The following IRGM variants were observed in gnomAD, a reference collection of about 807,000 sequenced individuals.
IRGM encodes the protein immunity-related GTPase family M protein.
For synonymous variants in IRGM, 98 were observed against 80.6 expected (o/e 1.22, Z -1.16); for missense variants, 288 against 219.9 (o/e 1.31, Z -1.96).
At chr5:150,864,229 C>T (rs569339033) in intron 1 of IRGM, among the ~76,000 whole-genome samples, 4 of 152,022 alleles carry the variant, frequency 2.6e-5, no homozygotes, top group Non-Finnish European at 4.4e-5. Context: ...GCCAGCCAGA[C>T]GCTTGACCTT....
At chr5:150,897,818 G>A (rs1034873550) in intron 3 of IRGM, 2 of 420,740 alleles carry the variant, frequency 4.8e-6, no homozygotes, top group Non-Finnish European at 8.3e-6. Flanking sequence ...GTTCTTGAAA[G>A]GAATTTGCCT....
At chr5:150,867,519 T>A (rs892134211) in intron 1 of IRGM, among the ~76,000 whole-genome samples, 2 of 152,228 alleles carry the variant, frequency 1.3e-5, no homozygotes, top group African/African-American at 2.4e-5. Context: ...TTGGATCAAA[T>A]GGTAGATCTA....
At chr5:150,890,510 G>A (rs1754593616) in intron 3 of IRGM, among the ~76,000 whole-genome samples, 1 of 151,412 alleles carries the variant, frequency 6.6e-6, no homozygotes, top group South Asian at 2.1e-4. Context: ...TGTTTATAAT[G>A]CATTTCATTT....
chr5:150,883,453 AATAAACTACATTTGTTTCTTGAAAAG>A (rs147897265), intron 3 of IRGM, among the ~76,000 whole-genome samples: 9,890 of 152,002 alleles, frequency 0.065, 1,058 homozygotes, highest in African/African-American at 0.22. Context: ...AGAAAGATCA[AATAAACTACATTTGTTTCTTGAAAAG>A]ATAAACAAAT....
intron 3 of IRGM, chr5:150,895,393 C>A (rs1466204824): frequency 1.3e-6 from 2 of 1,496,532 alleles, no homozygotes; most frequent in African/African-American, 1.4e-5. Flanking sequence ...AAGGCTTGAG[C>A]TAATACTAAG....
chr5:150,895,642 T>A, intron 3 of IRGM: 1 of 1,613,258 alleles, frequency 6.2e-7, no homozygotes, highest in South Asian at 1.1e-5. Flanking sequence ...AGGTGGGACT[T>A]CTGAGAGAAG....
intron 3 of IRGM, chr5:150,895,982 A>C: frequency 2.5e-6 from 4 of 1,613,448 alleles, no homozygotes; most frequent in Non-Finnish European, 3.4e-6. Flanking sequence ...GGGACTTCTC[A>C]CAGAAGGCTT....
chr5:150,856,329 G>A (rs984555105), intron 1 of IRGM, among the ~76,000 whole-genome samples: 1 of 152,100 alleles, frequency 6.6e-6, no homozygotes, highest in Non-Finnish European at 1.5e-5. Flanking sequence ...TATTCAGGAG[G>A]CTGAGGCAGG....
chr5:150,894,934 C>G (rs2113306398), intron 3 of IRGM: 1 of 152,696 alleles, frequency 6.5e-6, no homozygotes, highest in South Asian at 2.1e-4. Flanking sequence ...TGAATCTGAT[C>G]AACCTATCAT....
intron 3 of IRGM, among the ~76,000 whole-genome samples, chr5:150,880,274 C>T (rs1354646400): frequency 6.6e-6 from 1 of 152,182 alleles, no homozygotes; most frequent in African/African-American, 2.4e-5. Flanking sequence ...GCATGTGTAG[C>T]AAGTGTCCTG....
intron 1 of IRGM, among the ~76,000 whole-genome samples, chr5:150,860,070 A>G (rs1177379701): frequency 6.6e-6 from 1 of 152,242 alleles, no homozygotes; most frequent in Non-Finnish European, 1.5e-5. Flanking sequence ...ATTGCTCAAT[A>G]TAGCTAAATA....
At chr5:150,849,614 T>C (rs1409304229), downstream of IRGM, among the ~76,000 whole-genome samples, 2 of 148,940 alleles carry the variant, frequency 1.3e-5, no homozygotes, top group African/African-American at 4.9e-5. Flanking sequence ...TCTTTTTTTT[T>C]TTTTTTTTTT....
intron 1 of IRGM, among the ~76,000 whole-genome samples, chr5:150,873,506 T>A (rs1008714180): frequency 6.6e-6 from 1 of 152,184 alleles, no homozygotes; most frequent in Non-Finnish European, 1.5e-5. Flanking sequence ...TGATCAGACA[T>A]TTTGAGGACT....
rs962768417 is a variant in IRGM, at chr5:150,846,852, C to G, written c.-784C>G. ...GAAGGAACAAACTCCGGACACGCAG[C>G]CTTTAAGAATTGTAACACTCACCGC... On this transcript the variant is annotated 5_prime_UTR_variant, in exon 1 of 2. Transcript: ENST00000522154. 1 of 153,436 alleles carries G rather than the reference C, an allele frequency of 6.5e-6. No individual in the cohort carries two copies. The highest frequency in any genetic ancestry group is 1.4e-5 in the Non-Finnish European group (1 of 69,046). The allele number at this position is 153,436 out of a possible 1,614,324, so 9.5% of individuals were successfully genotyped here.
intron 1 of IRGM, among the ~76,000 whole-genome samples, chr5:150,858,286 T>A (rs201451642): frequency 0.08 from 12,116 of 152,118 alleles, 735 homozygotes; most frequent in East Asian, 0.33. Context: ...TTGGTCTATA[T>A]CTCTGTTTTG....
intron 3 of IRGM, chr5:150,895,429 A>G: frequency 6.3e-7 from 1 of 1,594,696 alleles, no homozygotes; most frequent in Non-Finnish European, 8.6e-7. Context: ...GTTCATTATG[A>G]TTTTACCACT....
downstream of IRGM, among the ~76,000 whole-genome samples, chr5:150,850,446 A>G (rs964362795): frequency 1.3e-5 from 2 of 152,244 alleles, no homozygotes; most frequent in Non-Finnish European, 2.9e-5. Flanking sequence ...TCTGTAACAT[A>G]GAGAAATAGC....
chr5:150,885,904 A>C (rs1009740056), intron 3 of IRGM, among the ~76,000 whole-genome samples: 2 of 151,858 alleles, frequency 1.3e-5, no homozygotes, highest in Non-Finnish European at 2.9e-5. Flanking sequence ...GATGCTCTTT[A>C]TTTCTTTTAC....
Position 150,847,961 on chromosome 5 carries a change from G to A in IRGM, c.-163G>A, listed in dbSNP as rs1010293433. 14 of 602,062 alleles carry A rather than the reference G, an allele frequency of 2.3e-5. No homozygotes were observed. The highest frequency in any genetic ancestry group is 9.0e-5 in the Admixed American group (3 of 33,150). 37.3% of individuals were successfully genotyped at this position (602,062 alleles called of 1,614,324 possible). A position where few individuals can be genotyped will look rare whatever the true frequency, so the allele number is the denominator to read the frequency against. On this transcript the variant is annotated 5_prime_UTR_variant, in exon 2 of 2. Coordinates refer to ENST00000522154, the MANE Select transcript of IRGM (RefSeq NM_001145805.2). The stretch of plus-strand genomic sequence containing the variant: ...TGGGACTACAGGCGCACACCACCAC[G>A]CGCAGCTAATTTTTTTGTATTTTAG...
Sources: gnomAD v4.1 joint callset for allele counts (sites outside exome capture counted in the v4.1 genomes callset) on GRCh38, gnomAD v4.1.1 for gene constraint, MANE v1.5 for transcripts, NCBI Gene and HGNC (gene_info 2026-07-23, HGNC 2026-07-21) for gene names.